TRIM36: variants seen among roughly 807,000 people sequenced by gnomAD.
TRIM36 encodes the protein tripartite motif containing 36.
A neutral mutation model predicts 72.4 loss-of-function variants in TRIM36; 42 were observed. The observed-to-expected ratio is 0.58, with a 90% CI of 0.45 to 0.75. The LOEUF (loss-of-function observed/expected upper bound fraction) is 0.75. Ranked by LOEUF, TRIM36 falls within the 30% of genes least tolerant of loss-of-function variation. TRIM36 has a pLI of 0.00. For missense variants in TRIM36, 913 were observed against 857.1 expected (o/e 1.07, Z -0.81); for synonymous variants, 315 against 282.8 (o/e 1.11, Z -1.14).
At chr5:115,141,540 T>C (rs572513736) in intron 4 of TRIM36, among the ~76,000 whole-genome samples, 166 bp from the exon 5 acceptor site, 85 of 152,318 alleles carry the variant, frequency 5.6e-4, no homozygotes, top group African/African-American at 1.9e-3. Context: ...AAACAGTTAA[T>C]GGCCTTAGGC....
chr5:115,156,206 T>G (rs1401236707), intron 2 of TRIM36, among the ~76,000 whole-genome samples: 1 of 151,812 alleles, frequency 6.6e-6, no homozygotes, highest in Non-Finnish European at 1.5e-5. Flanking sequence ...CACGGATAGG[T>G]AGAATCAATA....
chr5:115,140,935 G>A (rs994248716), intron 5 of TRIM36, among the ~76,000 whole-genome samples: 1 of 152,098 alleles, frequency 6.6e-6, no homozygotes, highest in African/African-American at 2.4e-5. Flanking sequence ...TTCCAAAAGT[G>A]ATCTATTAAT....
In TRIM36 at chr5:115,179,221, G is replaced by C. The variant is rs1222705233; in HGVS notation, c.63+754C>G. Among the ~76,000 whole-genome samples the C allele has an allele frequency of 2.6e-5, 4 of 152,200 alleles. No individual in the cohort carries two copies. In the East Asian group the frequency reaches 7.7e-4, roughly 29 times the overall value. ...TTCTGCCGGCAATTTCTCGGATGCA[G>C]CGCGGAGCCCAGCCTCCCGCACTGA... is the stretch of plus-strand genomic sequence containing the variant. On this transcript the variant is annotated intron_variant, in intron 1 of 9. Transcript: ENST00000282369.
At chr5:115,158,943 A>G (rs751264889) in intron 2 of TRIM36, among the ~76,000 whole-genome samples, 1 of 152,246 alleles carries the variant, frequency 6.6e-6, no homozygotes, top group Non-Finnish European at 1.5e-5. Flanking sequence ...GATAAATTTC[A>G]GGTGTTAAGT....
At chr5:115,145,845 T>A (rs1030075156) in intron 3 of TRIM36, among the ~76,000 whole-genome samples, 1 of 152,206 alleles carries the variant, frequency 6.6e-6, no homozygotes, top group African/African-American at 2.4e-5. Context: ...GCCATTACAT[T>A]TAAAATAAAA....
At chr5:115,154,317 G>T (rs149306052) in intron 2 of TRIM36, among the ~76,000 whole-genome samples, 2,096 of 148,894 alleles carry the variant, frequency 0.014, 49 homozygotes, top group African/African-American at 0.049. Flanking sequence ...CCTAGCAGAA[G>T]AAAGGAAATA....
At chr5:115,179,660 G>A (rs1302493574) in intron 1 of TRIM36, among the ~76,000 whole-genome samples, 2 of 152,240 alleles carry the variant, frequency 1.3e-5, no homozygotes, top group East Asian at 1.9e-4. Context: ...CTTGGCCAAC[G>A]CCCCGCCCTC....
At chr5:115,175,230 CT>C (rs1156402481) in intron 1 of TRIM36, among the ~76,000 whole-genome samples, 2 of 152,062 alleles carry the variant, frequency 1.3e-5, no homozygotes, top group Non-Finnish European at 2.9e-5. Context: ...CCTACCTCCA[CT>C]TCTTAATGAT....
chr5:115,159,692 C>T (rs761984902), intron 2 of TRIM36: 6 of 448,836 alleles, frequency 1.3e-5, no homozygotes, highest in South Asian at 9.5e-5. Context: ...GAACAGAAAG[C>T]TGGATTTAGA....
intron 1 of TRIM36, among the ~76,000 whole-genome samples, chr5:115,165,466 T>C (rs1754711472): frequency 6.6e-6 from 1 of 152,308 alleles, no homozygotes; most frequent in South Asian, 2.1e-4. Flanking sequence ...CAACACCATG[T>C]GTAAGCCACC....
chr5:115,144,767 G>A (rs1223237943), intron 3 of TRIM36, 23 bp from the exon 4 acceptor site: 6 of 1,594,680 alleles, frequency 3.8e-6, no homozygotes, highest in Non-Finnish European at 4.3e-6. Context: ...GAATAAAAGT[G>A]TGATTAAGGA....
upstream of TRIM36, chr5:115,171,334 A>G (rs112986451): frequency 5.7e-5 from 83 of 1,449,412 alleles, no homozygotes; most frequent in Non-Finnish European, 7.6e-5. Context: ...TTGCCAGGTA[A>G]TAATGCCTGG....
chr5:115,130,361 A>G (rs944924563), intron 9 of TRIM36, among the ~76,000 whole-genome samples: 1 of 152,240 alleles, frequency 6.6e-6, no homozygotes, highest in Non-Finnish European at 1.5e-5. Context: ...CTATATCACA[A>G]TTAAGAGATA....
At chr5:115,144,814 C>A in intron 3 of TRIM36, 70 bp from the exon 4 acceptor site, 1 of 1,492,360 alleles carries the variant, frequency 6.7e-7, no homozygotes, top group South Asian at 1.3e-5. Context: ...TACCAAAATA[C>A]AAAGATTTGC....
chr5:115,133,232 A>G (rs1242170967), intron 8 of TRIM36, among the ~76,000 whole-genome samples: 1 of 152,218 alleles, frequency 6.6e-6, no homozygotes, highest in Non-Finnish European at 1.5e-5. Context: ...GTGAACATCA[A>G]CGAACCTTTA....
chr5:115,144,521 G>A, intron 4 of TRIM36, 77 bp downstream of exon 4: 1 of 1,562,858 alleles, frequency 6.4e-7, no homozygotes, highest in South Asian at 1.2e-5. Flanking sequence ...AACACACCAT[G>A]ATTTTATAAA....
upstream of TRIM36, chr5:115,174,081 C>A (rs564531717): frequency 2.6e-5 from 4 of 152,240 alleles, no homozygotes; most frequent in Admixed American, 2.6e-4. Flanking sequence ...AAAATATAAA[C>A]CCCTTACCCT....
intron 1 of TRIM36, among the ~76,000 whole-genome samples, chr5:115,178,991 G>A (rs1014954259): frequency 6.6e-6 from 1 of 152,152 alleles, no homozygotes; most frequent in African/African-American, 2.4e-5. Flanking sequence ...TCACATCAGG[G>A]CTACAGAATC....
At chr5:115,160,666 T>C in intron 2 of TRIM36, among the ~76,000 whole-genome samples, 1 of 152,256 alleles carries the variant, frequency 6.6e-6, no homozygotes, top group Admixed American at 6.5e-5. Context: ...AGTGAGACCT[T>C]CTTCTCCACA....
Sources: gnomAD v4.1 joint callset for allele counts (sites outside exome capture counted in the v4.1 genomes callset) on GRCh38, gnomAD v4.1.1 for gene constraint, MANE v1.5 for transcripts, NCBI Gene and HGNC (gene_info 2026-07-23, HGNC 2026-07-21) for gene names.